Variants in NR1D2 observed in about 807,000 individuals in gnomAD.
NR1D2 encodes the protein V-erbA-related protein 1-related.
A neutral mutation model predicts 52.2 loss-of-function variants in NR1D2; 25 were observed. The observed-to-expected ratio is 0.48, with a 90% CI of 0.35 to 0.67. The LOEUF (loss-of-function observed/expected upper bound fraction) is 0.67. Among genes scored for constraint, NR1D2 ranks in the 30% least tolerant of loss-of-function variants. The pLI is 0.01. For missense variants in NR1D2, 681 were observed against 707.2 expected, an observed-to-expected ratio of 0.96 and a Z score of 0.42; for synonymous variants, 259 against 230.1, an observed-to-expected ratio of 1.13 and a Z score of -1.14.
rs761780144 is a variant in NR1D2 at position 23,962,325 on chromosome 3, A to G, written c.866A>G (p.Lys289Arg). Residue 289 changes from lysine (K) to arginine (R), a missense_variant, in exon 5 of 8, where the codon AAG (lysine) becomes AGG (arginine). Around this residue, in one of 3 missense-constraint regions of NR1D2, gnomAD observed 475 missense variants for 454.5 expected, o/e 1.05. Transcript: ENST00000312521. Reference sequence around the variant, plus strand: ...CCCCAGAGAGGAGAACGGATTCCCAAGAACATGGAGCAATATAATTTAAAT... The same window carrying G: ...CCCCAGAGAGGAGAACGGATTCCCAGGAACATGGAGCAATATAATTTAAAT... ...MQPQRGERIP[K>R]NMEQYNLNHD... The G allele has an allele frequency of 1.9e-6, 3 of 1,614,236 alleles. No individual in the cohort carries two copies. Among genetic ancestry groups the G allele is most frequent in the Admixed American group, 1.7e-5 (1 of 60,032 alleles).
chr3:23,965,242 T>G, intron 6 of NR1D2, 80 bp downstream of exon 6: 1 of 1,094,500 alleles, frequency 9.1e-7, no homozygotes, highest in Non-Finnish European at 1.3e-6. Context: ...ATTCTTTTTT[T>G]TTTTTTTTTT....
intron 5 of NR1D2, among the ~76,000 whole-genome samples, chr3:23,963,040 A>T (rs779869007): frequency 1.6e-4 from 24 of 150,612 alleles, no homozygotes; most frequent in Admixed American, 2.6e-4. Flanking sequence ...AACCATTATT[A>T]TGCAAGAAGG....
intron 7 of NR1D2, among the ~76,000 whole-genome samples, chr3:23,974,039 C>T (rs1383874982): frequency 7.2e-6 from 1 of 138,636 alleles, no homozygotes; most frequent in African/African-American, 2.7e-5. Flanking sequence ...ACAATGCATT[C>T]TTCAGGAATA....
chr3:23,971,301 C>CCATTTTTTT lies in NR1D2; in HGVS notation c.1543+3278_1543+3279insCATTTTTTT. Among the ~76,000 whole-genome samples, 2 of 110,900 alleles carry CCATTTTTTT rather than the reference C, an allele frequency of 1.8e-5. 1 individual carries two copies. Among genetic ancestry groups the CCATTTTTTT allele is most frequent in the South Asian group, 6.9e-4 (2 of 2,890 alleles). 72.8% of individuals were successfully genotyped at this position (110,900 alleles called of 152,430 possible). On this transcript the variant is annotated intron_variant, in intron 7 of 7. Coordinates refer to ENST00000312521, the MANE Select transcript of NR1D2 (RefSeq NM_005126.5). ...GAATATAATGCTTATATCTCTATAC[C>CCATTTTTTT]TATTTTTTTTTTTTTTTTTTTTGAG...
At chr3:23,967,772 C>G in intron 6 of NR1D2, 41 bp from the exon 7 acceptor site, 2 of 1,459,798 alleles carry the variant, frequency 1.4e-6, no homozygotes, top group South Asian at 1.2e-5. Context: ...TTTATTATTG[C>G]TGTTAGACTT....
chr3:23,978,386 G>A lies in NR1D2; in HGVS notation c.*967G>A, dbSNP rs1211352058. 6.6e-6 allele frequency: 1 copy of A among 151,960 alleles called. No individual in the cohort carries two copies. Among genetic ancestry groups the A allele is most frequent in the East Asian group, 1.9e-4 (1 of 5,196 alleles). 9.4% of individuals were successfully genotyped at this position (151,960 alleles called of 1,614,324 possible). A position where few individuals can be genotyped will look rare whatever the true frequency, so the allele number is the denominator to read the frequency against. On this transcript the variant is annotated 3_prime_UTR_variant, in exon 8 of 8. Transcript: ENST00000312521. The stretch of plus-strand genomic sequence containing the variant: ...GATGGCATAACCATTGCTTTAAAAT[G>A]TTTAGACAGTAGAATATTGAATTTA...
rs1007560710 is a variant in NR1D2, at chr3:23,963,479, T to C, written c.1146+874T>C. ...TTTTGTTTTTTTTTTTGAGACATTCTTGCTCTGTTGCCCAGGCTGGAGTGC... is the reference window on the plus strand; with the variant it reads ...TTTTGTTTTTTTTTTTGAGACATTCCTGCTCTGTTGCCCAGGCTGGAGTGC... On this transcript the variant is annotated intron_variant, in intron 5 of 7. Transcript: ENST00000312521. 5.0e-5 allele frequency: 52 copies of C among 1,040,910 alleles called. 1 individual carries two copies. Among genetic ancestry groups the C allele is most frequent in the Non-Finnish European group, 1.2e-6 (1 of 818,886 alleles). 64.5% of individuals were successfully genotyped at this position (1,040,910 alleles called of 1,614,324 possible). A position where few individuals can be genotyped will look rare whatever the true frequency, so the allele number is the denominator to read the frequency against.
At chr3:23,947,804 A>G (rs1466827995) in intron 1 of NR1D2, among the ~76,000 whole-genome samples, 1 of 152,180 alleles carries the variant, frequency 6.6e-6, no homozygotes, top group Non-Finnish European at 1.5e-5. Flanking sequence ...TCTATCAGTA[A>G]GCAGGAGGTC....
intron 4 of NR1D2, 69 bp from the exon 5 acceptor site, chr3:23,961,908 T>C: frequency 7.1e-7 from 1 of 1,409,142 alleles, no homozygotes. Flanking sequence ...TGGATAATTT[T>C]GTGTTATTCT....
chr3:23,947,068 T>C (rs1449247870), intron 1 of NR1D2, among the ~76,000 whole-genome samples: 1 of 152,228 alleles, frequency 6.6e-6, no homozygotes, highest in Non-Finnish European at 1.5e-5. Flanking sequence ...CTGGATCTAA[T>C]TGTGTTTTGA....
chr3:23,956,180 G>C lies in NR1D2; in HGVS notation c.372+55G>C, dbSNP rs1706076559. The C allele has an allele frequency of 5.6e-6, 8 of 1,419,448 alleles. No homozygotes were observed. The South Asian group carries it at 8.0e-5, about 14-fold the overall frequency. The allele number at this position is 1,419,448 out of a possible 1,614,324, so 87.9% of individuals were successfully genotyped here. ...CTGATTCTGGGATTTAAGAAGTTGG[G>C]TTTAGATTTACCCATTTGTGCAATT... is the stretch of plus-strand genomic sequence containing the variant. On this transcript the variant is annotated intron_variant, in intron 3 of 7. Coordinates refer to ENST00000312521, the MANE Select transcript of NR1D2 (RefSeq NM_005126.5).
chr3:23,952,225 TTA>T (rs1312513911), intron 1 of NR1D2, among the ~76,000 whole-genome samples: 2 of 152,156 alleles, frequency 1.3e-5, no homozygotes, highest in Non-Finnish European at 1.5e-5. Flanking sequence ...GCAGGATTAA[TTA>T]AGGTGAGATG....
intron 7 of NR1D2, among the ~76,000 whole-genome samples, chr3:23,970,163 A>T (rs1038288528): frequency 1.3e-5 from 2 of 152,236 alleles, no homozygotes; most frequent in African/African-American, 4.8e-5. Flanking sequence ...TGGGCAGATT[A>T]GATAGGTAAG....
intron 1 of NR1D2, among the ~76,000 whole-genome samples, chr3:23,948,687 G>A (rs775391473): frequency 6.6e-6 from 1 of 152,206 alleles, no homozygotes; most frequent in Non-Finnish European, 1.5e-5. Context: ...ATGATGCGGG[G>A]CTAAGTAAAT....
At position 23,975,632 on chromosome 3, in the gene NR1D2, G is replaced by T. The variant is rs553997469; in HGVS notation, c.1544-1591G>T. Among the ~76,000 whole-genome samples the T allele has an allele frequency of 3.3e-5, 5 of 152,080 alleles. No homozygotes were observed. In the South Asian group the frequency reaches 1.0e-3, roughly 31 times the overall value. On this transcript the variant is annotated intron_variant, in intron 7 of 7. Transcript: ENST00000312521. ...AAATGAGCCAGGTGTGGTGGTGGGT[G>T]CCTGTAATCCCAGCTACTCAGGAGG...
chr3:23,959,550 TAGTG>T lies in NR1D2; in HGVS notation c.373-117_373-114del, dbSNP rs540120537. ...GTCCTAAGACATAGTGTTTCCCAGATAGTGAGTCATATACTGGGACTGTAGTTCG... is the reference window on the plus strand; with the variant it reads ...GTCCTAAGACATAGTGTTTCCCAGATAGTCATATACTGGGACTGTAGTTCG... On this transcript the variant is annotated intron_variant, in intron 3 of 7. Transcript: ENST00000312521. 1,232 of 818,080 alleles carry T rather than the reference TAGTG, an allele frequency of 1.5e-3. 1 individual carries two copies. Among genetic ancestry groups the T allele is most frequent in the Non-Finnish European group, 2.3e-3 (1,178 of 522,090 alleles). 50.7% of individuals were successfully genotyped at this position (818,080 alleles called of 1,614,324 possible). A position where few individuals can be genotyped will look rare whatever the true frequency, so the allele number is the denominator to read the frequency against.
intron 3 of NR1D2, among the ~76,000 whole-genome samples, chr3:23,957,325 T>A (rs549486890): frequency 2.0e-5 from 3 of 150,490 alleles, no homozygotes; most frequent in African/African-American, 7.3e-5. Context: ...GTAAGACAAG[T>A]CAGTATTTTT....
intron 1 of NR1D2, among the ~76,000 whole-genome samples, chr3:23,949,787 G>C (rs1705875078): frequency 6.6e-6 from 1 of 152,244 alleles, no homozygotes; most frequent in South Asian, 2.1e-4. Context: ...GAAAAGTACA[G>C]TCATGACTTG....
chr3:23,951,245 C>T (rs544346797), intron 1 of NR1D2, among the ~76,000 whole-genome samples: 1 of 152,272 alleles, frequency 6.6e-6, no homozygotes, highest in African/African-American at 2.4e-5. Context: ...CTAAGGTAGT[C>T]AGCAGATCTT....
Sources: gnomAD v4.1 joint callset for allele counts (sites outside exome capture counted in the v4.1 genomes callset) on GRCh38, gnomAD v4.1.1 for gene constraint, gnomAD v4.1.1 regional missense constraint, MANE v1.5 for transcripts, NCBI Gene and HGNC (gene_info 2026-07-23, HGNC 2026-07-21) for gene names.